INTS4: variants seen among roughly 807,000 people sequenced by gnomAD.
The protein encoded by INTS4 is MSTP093.
A neutral mutation model predicts 119.5 loss-of-function variants in INTS4; 70 were observed. The observed-to-expected ratio is 0.59, with a 90% CI of 0.48 to 0.71. The LOEUF is 0.71. INTS4 is among the 30% of genes least tolerant of loss of function. The pLI, the probability that INTS4 is intolerant of heterozygous loss-of-function variation, is 0.00. For synonymous variants in INTS4, 316 were observed against 419.6 expected, an observed-to-expected ratio of 0.75 and a Z score of 3.02; for missense variants, 867 against 1,173.2, an observed-to-expected ratio of 0.74 and a Z score of 3.81.
At chr11:77,890,712 A>G (rs1171068675) in intron 21 of INTS4, among the ~76,000 whole-genome samples, 1 of 152,218 alleles carries the variant, frequency 6.6e-6, no homozygotes, top group Non-Finnish European at 1.5e-5. Context: ...TAGTGCATGC[A>G]ATAGAGTAAA....
chr11:77,941,143 C>T (rs1246548594), intron 9 of INTS4, 37 bp downstream of exon 9: 1 of 1,605,906 alleles, frequency 6.2e-7, no homozygotes, highest in South Asian at 1.1e-5. Context: ...ACATTGGTTA[C>T]AGAAACCCAC....
intron 18 of INTS4, among the ~76,000 whole-genome samples, chr11:77,898,963 T>G (rs1163550563): frequency 6.6e-6 from 1 of 152,182 alleles, no homozygotes; most frequent in Non-Finnish European, 1.5e-5. Flanking sequence ...GAGGTTGCAG[T>G]GAGTTGAGAT....
chr11:77,909,709 C>A (rs530517795), intron 15 of INTS4, among the ~76,000 whole-genome samples: 3 of 152,314 alleles, frequency 2.0e-5, no homozygotes, highest in Admixed American at 2.0e-4. Context: ...ATGACTGTAA[C>A]CATATGAAAA....
chr11:77,949,942 C>T (rs1954147656), intron 8 of INTS4, among the ~76,000 whole-genome samples: 1 of 152,124 alleles, frequency 6.6e-6, no homozygotes, highest in African/African-American at 2.4e-5. Flanking sequence ...GCACTGTTCA[C>T]AACAGTAAAG....
rs1954465714 is a variant in INTS4, at chr11:77,961,156, AAAAAGAAAAAAAG to A, written c.472-31_472-19del. ...GTCAGATGCTATTAAAAAAAAAAAA[AAAAAGAAAAAAAG>A]AAAAAGAAAAAAAGGACATGATTAA... is the stretch of plus-strand genomic sequence containing the variant. On this transcript the variant is annotated intron_variant, in intron 4 of 22. Transcript: ENST00000534064. 1.0e-5 allele frequency: 16 copies of A among 1,537,270 alleles called. No homozygotes were observed. Among genetic ancestry groups the A allele is most frequent in the Non-Finnish European group, 1.1e-5 (13 of 1,150,544 alleles).
At chr11:77,903,414 C>G (rs1187001718) in intron 17 of INTS4, 126 bp downstream of exon 17, 2 of 1,606,222 alleles carry the variant, frequency 1.2e-6, no homozygotes, top group African/African-American at 2.7e-5. Context: ...AAAGGGGCAG[C>G]TACATGCCAC....
intron 4 of INTS4, among the ~76,000 whole-genome samples, chr11:77,977,075 A>C (rs1855982348): frequency 6.6e-6 from 1 of 152,138 alleles, no homozygotes; most frequent in South Asian, 2.1e-4. Context: ...TTAAAGTATA[A>C]TAAAAAAGAA....
chr11:77,993,005 C>T (rs1263502988), intron 1 of INTS4, among the ~76,000 whole-genome samples: 1 of 152,216 alleles, frequency 6.6e-6, no homozygotes, highest in African/African-American at 2.4e-5. Flanking sequence ...TCCTAGTCCT[C>T]TCAAACTCAG....
rs1009652856 is a variant in INTS4, at chr11:77,982,011, G to A, written c.247-435C>T. On this transcript the variant is annotated intron_variant, in intron 2 of 22. Coordinates refer to ENST00000534064, the MANE Select transcript of INTS4 (RefSeq NM_033547.4). ...GAGTAGTCATGTTAGACACAAGTCA[G>A]AGCAACTTGCACCAACAACTGGGTA... Among the ~76,000 whole-genome samples, 3 of 152,094 alleles carry A rather than the reference G, an allele frequency of 2.0e-5. No individual in the cohort carries two copies. In the South Asian group the frequency reaches 6.2e-4, roughly 32 times the overall value.
Position 77,918,986 on chromosome 11 carries a change from G to A in INTS4, c.1765-8C>T. 6.2e-7 allele frequency: 1 copy of A among 1,613,854 alleles called. No homozygotes were observed. Among genetic ancestry groups the A allele is most frequent in the South Asian group, 1.1e-5 (1 of 91,060 alleles). ...CAGTTTTCTACCTGGTAACTAAGCA[G>A]AGTGGGATTACAGAGTCATTAAGTT... On this transcript the variant is annotated splice_polypyrimidine_tract_variant and splice_region_variant and intron_variant, in intron 14 of 22. Transcript: ENST00000534064.
intron 4 of INTS4, among the ~76,000 whole-genome samples, chr11:77,973,198 T>C (rs962669850): frequency 1.3e-5 from 2 of 152,210 alleles, no homozygotes; most frequent in African/African-American, 4.8e-5. Flanking sequence ...AATTTCATTT[T>C]CATATTGTTC....
chr11:77,987,452 G>A, intron 2 of INTS4: 1 of 302,780 alleles, frequency 3.3e-6, no homozygotes, highest in Non-Finnish European at 6.6e-6. Flanking sequence ...GCTCTAAGAA[G>A]TATTATTATA....
In INTS4 at chr11:77,962,784, G is replaced by A. The variant is rs143056492; in HGVS notation, c.472-1646C>T. On this transcript the variant is annotated intron_variant, in intron 4 of 22. Coordinates refer to ENST00000534064, the MANE Select transcript of INTS4 (RefSeq NM_033547.4). ...TAATGGATAATGATTCTCAAAGTGA[G>A]TCACTAGTGCGGAGAAAAGTGAATG... Among the ~76,000 whole-genome samples, 106 of 151,958 alleles carry A rather than the reference G, an allele frequency of 7.0e-4. No homozygotes were observed. In the Middle Eastern group the frequency reaches 0.01, roughly 15 times the overall value.
At chr11:77,963,212 T>G (rs185612164) in intron 4 of INTS4, among the ~76,000 whole-genome samples, 261 of 152,174 alleles carry the variant, frequency 1.7e-3, no homozygotes, top group African/African-American at 6.0e-3. Context: ...ACACTGAATC[T>G]TAGCCCAAAA....
intron 14 of INTS4, among the ~76,000 whole-genome samples, chr11:77,921,077 T>C (rs1191862290): frequency 6.6e-6 from 1 of 151,940 alleles, no homozygotes; most frequent in Non-Finnish European, 1.5e-5. Flanking sequence ...ACAAACAAGT[T>C]TTCAGAGAAT....
chr11:77,918,851 C>T lies in INTS4; in HGVS notation c.1892G>A (p.Gly631Glu), dbSNP rs571689070. Residue 631 changes from glycine to glutamate, a missense_variant, in exon 15 of 23, where the codon GGA (glycine) becomes GAA (glutamate). Around this residue, in one of 5 missense-constraint regions of INTS4, gnomAD observed 262 missense variants for 376.0 expected, o/e 0.70. Transcript: ENST00000534064. ...GGTGAATTCCAGCAGCTCCTGGGCT[C>T]CCTGAGGGTCCAAGTGCTGAAGACT... Reference protein sequence around the residue: ...VYSLQHLDPQGAQELLEFTIR... With the variant: ...VYSLQHLDPQEAQELLEFTIR... The T allele has an allele frequency of 2.5e-6, 4 of 1,613,728 alleles. No individual in the cohort carries two copies. Among genetic ancestry groups the T allele is most frequent in the East Asian group, 2.2e-5 (1 of 44,874 alleles).
chr11:77,970,940 T>A (rs1855705388), intron 4 of INTS4, among the ~76,000 whole-genome samples: 1 of 152,136 alleles, frequency 6.6e-6, no homozygotes, highest in Non-Finnish European at 1.5e-5. Context: ...CCCGAGTAGC[T>A]GGGATTACAG....
chr11:77,960,053 G>A (rs746752676), intron 6 of INTS4, among the ~76,000 whole-genome samples: 2 of 151,974 alleles, frequency 1.3e-5, no homozygotes, highest in Non-Finnish European at 2.9e-5. Flanking sequence ...AGACTAACAC[G>A]TTCCTTATTC....
At chr11:77,908,082 A>T (rs1953004602) in intron 15 of INTS4, among the ~76,000 whole-genome samples, 1 of 128 alleles carries the variant, frequency 7.8e-3, no homozygotes, top group Non-Finnish European at 0.019. Flanking sequence ...TACACTGAAA[A>T]GTATACTAAG....
Sources: gnomAD v4.1 joint callset for allele counts (sites outside exome capture counted in the v4.1 genomes callset) on GRCh38, gnomAD v4.1.1 for gene constraint, gnomAD v4.1.1 regional missense constraint, MANE v1.5 for transcripts, NCBI Gene and HGNC (gene_info 2026-07-23, HGNC 2026-07-21) for gene names.